The following GABRG1 variants were observed in gnomAD, a reference collection of about 807,000 sequenced individuals.
The protein encoded by GABRG1 is gamma-aminobutyric acid receptor subunit gamma-1.
GABRG1 carries 49 observed loss-of-function variants against 49.8 expected under a neutral mutation model. That is an observed-to-expected ratio of 0.98 (90% CI 0.78 to 1.25). The LOEUF (loss-of-function observed/expected upper bound fraction) is 1.25, where lower values mean the gene tolerates loss of function less well. Ranked by LOEUF, GABRG1 falls within the 50% of genes most tolerant of loss-of-function variation. The pLI, the probability that GABRG1 is intolerant of heterozygous loss-of-function variation, is 0.00. For missense variants in GABRG1, 552 were observed against 552.3 expected (o/e 1.00, Z 0.01); for synonymous variants, 232 against 185.1 (o/e 1.25, Z -2.06).
chr4:46,046,240 G>C (rs1403037842), intron 8 of GABRG1, among the ~76,000 whole-genome samples: 2 of 152,002 alleles, frequency 1.3e-5, no homozygotes, highest in Admixed American at 6.6e-5. Flanking sequence ...CCTTTCTGCT[G>C]TGATAGTCTA....
At chr4:46,120,045 C>T (rs371759166) in intron 1 of GABRG1, among the ~76,000 whole-genome samples, 2 of 151,590 alleles carry the variant, frequency 1.3e-5, no homozygotes, top group African/African-American at 4.8e-5. Context: ...GAAATGCATA[C>T]GACAACTCCA....
intron 2 of GABRG1, among the ~76,000 whole-genome samples, chr4:46,095,534 GAA>G (rs61196786): frequency 0.015 from 2,180 of 149,220 alleles, 53 homozygotes; most frequent in African/African-American, 0.051. Flanking sequence ...CTTCCAGGAG[GAA>G]AAAAAAAGAC....
At chr4:46,063,070 T>C (rs1320083121) in intron 5 of GABRG1, among the ~76,000 whole-genome samples, 2 of 150,638 alleles carry the variant, frequency 1.3e-5, no homozygotes, top group African/African-American at 2.5e-5. Flanking sequence ...GAAGAATCAA[T>C]ATCGTGAAAA....
At chr4:46,120,885 G>A (rs1344317372) in intron 1 of GABRG1, among the ~76,000 whole-genome samples, 1 of 151,644 alleles carries the variant, frequency 6.6e-6, no homozygotes, top group African/African-American at 2.4e-5. Context: ...TTTGGTAACA[G>A]CTAAAATATC....
chr4:46,102,714 T>C (rs1165654819), intron 1 of GABRG1, among the ~76,000 whole-genome samples: 3 of 151,644 alleles, frequency 2.0e-5, no homozygotes, highest in Non-Finnish European at 4.4e-5. Context: ...TTTTAATGTA[T>C]CATACAAATT....
intron 5 of GABRG1, among the ~76,000 whole-genome samples, chr4:46,060,296 C>A (rs1327944767): frequency 1.3e-5 from 2 of 151,478 alleles, no homozygotes; most frequent in African/African-American, 4.8e-5. Context: ...GGAGGTAATT[C>A]TTCACGTGAT....
chr4:46,081,807 A>G lies in GABRG1; in HGVS notation c.321+2179T>C, dbSNP rs186962557. ...GGCTTTTAGGGTGGGCCCTAATACA[A>G]TATGACTTGTGATAAGAAGAGAAAC... On this transcript the variant is annotated intron_variant, in intron 3 of 8. Coordinates refer to ENST00000295452, the MANE Select transcript of GABRG1 (RefSeq NM_173536.4). Among the ~76,000 whole-genome samples the G allele has an allele frequency of 2.3e-3, 353 of 151,974 alleles. 1 individual carries two copies. Among genetic ancestry groups the G allele is most frequent in the Middle Eastern group, 0.014 (4 of 294 alleles).
intron 1 of GABRG1, among the ~76,000 whole-genome samples, chr4:46,101,132 AT>A (rs1720365645): frequency 6.6e-6 from 1 of 151,686 alleles, no homozygotes; most frequent in Non-Finnish European, 1.5e-5. Context: ...AACAGGTATG[AT>A]TTTTTAAAAA....
chr4:46,071,372 A>G (rs1719111597), intron 3 of GABRG1, among the ~76,000 whole-genome samples: 1 of 150,542 alleles, frequency 6.6e-6, no homozygotes, highest in Middle Eastern at 3.3e-3. Flanking sequence ...TTAACTGTAA[A>G]ATGACAGAAA....
chr4:46,046,971 C>A (rs892162920), intron 8 of GABRG1, among the ~76,000 whole-genome samples: 2 of 152,066 alleles, frequency 1.3e-5, no homozygotes, highest in Admixed American at 6.6e-5. Flanking sequence ...ATAAACCACT[C>A]TTCTATCCTC....
chr4:46,092,193 A>G (rs1462501821), intron 2 of GABRG1, among the ~76,000 whole-genome samples: 5 of 152,082 alleles, frequency 3.3e-5, no homozygotes, highest in African/African-American at 1.2e-4. Flanking sequence ...AGGGTATTTA[A>G]GAAAGGAATT....
intron 3 of GABRG1, 111 bp from the exon 4 acceptor site, chr4:46,065,695 A>T (rs569450861): frequency 5.6e-5 from 34 of 611,934 alleles, no homozygotes; most frequent in Non-Finnish European, 2.8e-6. Flanking sequence ...AGTTAAACTC[A>T]GTCTTTTCGG....
At position 46,107,923 on chromosome 4, in the gene GABRG1, A is replaced by C. The variant is rs550478882; in HGVS notation, c.105-10574T>G. On this transcript the variant is annotated intron_variant, in intron 1 of 8. Transcript: ENST00000295452. Reference sequence around the variant, plus strand: ...TCAATAATAGAATAAGTATTTACTTATGTATTTGGTAAAATGTTTATGTAT... The same window carrying C: ...TCAATAATAGAATAAGTATTTACTTCTGTATTTGGTAAAATGTTTATGTAT... 4.6e-5 allele frequency among the ~76,000 whole-genome samples: 7 copies of C among 151,376 alleles called. No homozygotes were observed. In the East Asian group the frequency reaches 1.4e-3, roughly 30 times the overall value.
rs918255526 is a variant in GABRG1 at position 46,098,979 on chromosome 4, A to T, written c.105-1630T>A. Among the ~76,000 whole-genome samples, 17 of 151,680 alleles carry T rather than the reference A, an allele frequency of 1.1e-4. No individual in the cohort carries two copies. In the East Asian group the frequency reaches 3.3e-3, roughly 29 times the overall value. The stretch of plus-strand genomic sequence containing the variant: ...AAAAATCCTTATATTGCCATAAAAA[A>T]TTTTTATGAGATTTTAACATCATAA... On this transcript the variant is annotated intron_variant, in intron 1 of 8. Coordinates refer to ENST00000295452, the MANE Select transcript of GABRG1 (RefSeq NM_173536.4).
intron 2 of GABRG1, among the ~76,000 whole-genome samples, chr4:46,089,010 G>T (rs1719886468): frequency 1.3e-5 from 2 of 151,956 alleles, no homozygotes; most frequent in African/African-American, 2.4e-5. Context: ...CAGAGGAAGA[G>T]CTGCACACCT....
chr4:46,065,881 C>A (rs1020647875), intron 3 of GABRG1, among the ~76,000 whole-genome samples: 3 of 152,080 alleles, frequency 2.0e-5, no homozygotes, highest in African/African-American at 4.8e-5. Context: ...CGCCACCACG[C>A]CTGGCTAATT....
intron 1 of GABRG1, among the ~76,000 whole-genome samples, chr4:46,116,546 A>C (rs1350534335): frequency 6.6e-6 from 1 of 150,836 alleles, no homozygotes; most frequent in Middle Eastern, 3.2e-3. Flanking sequence ...TAAAAGTGGA[A>C]GAAAGAAATC....
intron 8 of GABRG1, among the ~76,000 whole-genome samples, chr4:46,049,638 C>A (rs908800936): frequency 6.6e-6 from 1 of 151,844 alleles, no homozygotes; most frequent in Non-Finnish European, 1.5e-5. Context: ...AAAGACTTAA[C>A]ATATGGATTA....
rs902390305 is a variant in GABRG1 at position 46,039,723 on chromosome 4, A to G, written c.*1265T>C. ...TCTTAACAAAAGAGACATTTTTAAAACTATTAACTGATAGATTTTACATCC... is the reference window on the plus strand; with the variant it reads ...TCTTAACAAAAGAGACATTTTTAAAGCTATTAACTGATAGATTTTACATCC... On this transcript the variant is annotated 3_prime_UTR_variant, in exon 9 of 9. Transcript: ENST00000295452. 6.6e-5 allele frequency: 10 copies of G among 151,758 alleles called. No homozygotes were observed. The highest frequency in any genetic ancestry group is 1.9e-4 in the African/African-American group (8 of 41,390). The allele number at this position is 151,758 out of a possible 1,614,324, so 9.4% of individuals were successfully genotyped here. A position where few individuals can be genotyped will look rare whatever the true frequency, so the allele number is the denominator to read the frequency against.
Sources: gnomAD v4.1 joint callset for allele counts (sites outside exome capture counted in the v4.1 genomes callset) on GRCh38, gnomAD v4.1.1 for gene constraint, MANE v1.5 for transcripts, NCBI Gene and HGNC (gene_info 2026-07-23, HGNC 2026-07-21) for gene names.